The following VWA3B variants were observed in gnomAD, a reference collection of about 807,000 sequenced individuals.
The protein encoded by VWA3B is von Willebrand factor A domain containing 3B.
VWA3B carries 138 observed loss-of-function variants against 158.3 expected under a neutral mutation model. The ratio of observed to expected loss-of-function variants is 0.87; its 90% CI spans 0.76 to 1.00. The LOEUF is 1.00. Among genes scored for constraint, VWA3B ranks in the 50% least tolerant of loss-of-function variants. The probability of loss-of-function intolerance (pLI) is 0.00; values close to 1 mark genes in which losing one functional copy is unlikely to be tolerated. For synonymous variants in VWA3B, 596 were observed against 587.3 expected, an observed-to-expected ratio of 1.01 and a Z score of -0.21; for missense variants, 1,555 against 1,565.1, an observed-to-expected ratio of 0.99 and a Z score of 0.11.
intron 9 of VWA3B, among the ~76,000 whole-genome samples, chr2:98,185,878 T>G (rs966810182): frequency 1.3e-5 from 2 of 152,192 alleles, no homozygotes; most frequent in African/African-American, 2.4e-5. Flanking sequence ...CTTAAAAAGT[T>G]TTTTGATCCC....
intron 7 of VWA3B, among the ~76,000 whole-genome samples, chr2:98,140,091 C>T (rs1253200935): frequency 6.6e-6 from 1 of 152,128 alleles, no homozygotes; most frequent in Non-Finnish European, 1.5e-5. Flanking sequence ...CCAGCGAGAC[C>T]ACGAACCCAC....
Position 98,181,158 on chromosome 2 carries a change from T to TG in VWA3B, c.1261dup (p.Val421GlyfsTer11). The TG allele has an allele frequency of 6.2e-7, 1 of 1,614,232 alleles. No individual in the cohort carries two copies. ...CCGACTGCTCTTTCCGCCACGCTGA[T>TG]GGGGTTGTGGATATAAAAGCCAAAC... On this transcript the variant is annotated frameshift_variant, in exon 9 of 28. Transcript: ENST00000477737. LOFTEE classifies it high-confidence loss of function.
intron 2 of VWA3B, among the ~76,000 whole-genome samples, chr2:98,096,113 G>C (rs189896896): frequency 6.6e-6 from 1 of 152,088 alleles, no homozygotes; most frequent in South Asian, 2.1e-4. Context: ...TGGTTTTGGC[G>C]TCAGGGTAAT....
At chr2:98,207,292 C>A in intron 12 of VWA3B, 1 of 486,640 alleles carries the variant, frequency 2.1e-6, no homozygotes. Flanking sequence ...CACCACTGTG[C>A]TGCCCCATGC....
chr2:98,138,120 C>T (rs1199363130), intron 7 of VWA3B, among the ~76,000 whole-genome samples: 1 of 152,212 alleles, frequency 6.6e-6, no homozygotes, highest in East Asian at 1.9e-4. Context: ...CTTCCACATG[C>T]ACCTCGTTTT....
chr2:98,309,833 C>T (rs532817799), intron 26 of VWA3B, among the ~76,000 whole-genome samples: 3 of 152,334 alleles, frequency 2.0e-5, no homozygotes, highest in East Asian at 1.9e-4. Flanking sequence ...TAGCTCCCTC[C>T]GTCCCCTCTG....
At chr2:98,267,419 C>A (rs180839129) in intron 21 of VWA3B, among the ~76,000 whole-genome samples, 1 of 152,064 alleles carries the variant, frequency 6.6e-6, no homozygotes, top group South Asian at 2.1e-4. Context: ...GGAAACTGAA[C>A]AACCTGCTCC....
rs1328044692 is a variant in VWA3B at position 98,194,449 on chromosome 2, A to G, written c.1694A>G (p.Glu565Gly). The G allele has an allele frequency of 6.2e-7, 1 of 1,613,998 alleles. No homozygotes were observed. Among genetic ancestry groups the G allele is most frequent in the East Asian group, 2.2e-5 (1 of 44,876 alleles). ...CGGGAACAACTTGCTGAAGTCAATG[A>G]AGATAATTTGGAACAGGCTCAGTCC... ...AWREQLAEVN[E>G]DNLEQAQSWI... The change falls in exon 12 of 28, where the codon GAA (glutamate) becomes GGA (glycine). Residue 565 changes from glutamate to glycine, a missense_variant. Coordinates refer to ENST00000477737, the MANE Select transcript of VWA3B (RefSeq NM_144992.5).
At chr2:98,123,222 A>AT (rs1675101972) in intron 5 of VWA3B, among the ~76,000 whole-genome samples, 1 of 152,154 alleles carries the variant, frequency 6.6e-6, no homozygotes, top group Admixed American at 6.5e-5. Context: ...GGCTTAAAGA[A>AT]TTTTTTGAGC....
chr2:98,114,907 C>G (rs1674409939), intron 2 of VWA3B, among the ~76,000 whole-genome samples: 1 of 152,158 alleles, frequency 6.6e-6, no homozygotes, highest in Admixed American at 6.5e-5. Flanking sequence ...ATTTGAATAG[C>G]TGAGCATATA....
chr2:98,218,782 A>G (rs1684242837), intron 14 of VWA3B, among the ~76,000 whole-genome samples: 1 of 152,218 alleles, frequency 6.6e-6, no homozygotes, highest in South Asian at 2.1e-4. Flanking sequence ...TCAGTGCTTC[A>G]TGTGAGTGAA....
At chr2:98,180,563 A>G (rs1049107855) in intron 8 of VWA3B, among the ~76,000 whole-genome samples, 2 of 152,264 alleles carry the variant, frequency 1.3e-5, no homozygotes, top group Non-Finnish European at 2.9e-5. Context: ...TTCCAGCTGC[A>G]GGTGAAGAAT....
intron 6 of VWA3B, among the ~76,000 whole-genome samples, chr2:98,132,562 A>G (rs1675960520): frequency 6.6e-6 from 1 of 152,192 alleles, no homozygotes; most frequent in African/African-American, 2.4e-5. Flanking sequence ...CACAAGCGAG[A>G]CTATATCAGC....
chr2:98,120,452 T>C (rs1258407337), intron 4 of VWA3B, among the ~76,000 whole-genome samples: 1 of 152,234 alleles, frequency 6.6e-6, no homozygotes, highest in Non-Finnish European at 1.5e-5. Context: ...TTATGTTCTA[T>C]CTAGCTTCCT....
chr2:98,150,187 T>C (rs1412227530), intron 7 of VWA3B, among the ~76,000 whole-genome samples: 1 of 152,210 alleles, frequency 6.6e-6, no homozygotes, highest in African/African-American at 2.4e-5. Flanking sequence ...AGATGTATCA[T>C]CATGTAAAAG....
At chr2:98,273,556 T>G (rs1209177311) in intron 22 of VWA3B, among the ~76,000 whole-genome samples, 2 of 152,108 alleles carry the variant, frequency 1.3e-5, no homozygotes, top group East Asian at 3.9e-4. Context: ...GGACCAAGAG[T>G]GAATTACCTG....
intron 8 of VWA3B, chr2:98,179,409 G>A: frequency 3.0e-5 from 10 of 332,602 alleles, no homozygotes; most frequent in South Asian, 1.8e-4. Context: ...AATTGGCATT[G>A]TGGTTATTCT....
At chr2:98,177,511 A>G (rs1680109091) in intron 8 of VWA3B, among the ~76,000 whole-genome samples, 2 of 152,126 alleles carry the variant, frequency 1.3e-5, no homozygotes, top group African/African-American at 4.8e-5. Context: ...CAGGAAAATG[A>G]GACTCAGCCA....
chr2:98,194,513 G>A, intron 12 of VWA3B, 21 bp downstream of exon 12: 1 of 1,611,918 alleles, frequency 6.2e-7, no homozygotes. Flanking sequence ...GACTAAGCTG[G>A]GAGAAGCATC....
Sources: allele counts gnomAD v4.1 joint callset (sites outside exome capture counted in the v4.1 genomes callset), GRCh38; gene constraint gnomAD v4.1.1; transcripts MANE v1.5; gene names NCBI Gene and HGNC (gene_info 2026-07-23, HGNC 2026-07-21).